RARS2: variants seen among roughly 807,000 people sequenced by gnomAD.
RARS2 encodes the protein arginyl-tRNA synthetase 2, mitochondrial, also known as probable arginine--tRNA ligase, mitochondrial.
In RARS2, 67 loss-of-function variants were observed where a neutral mutation model predicts 88.5. That is an observed-to-expected ratio of 0.76 (90% CI 0.62 to 0.93). The LOEUF (loss-of-function observed/expected upper bound fraction) is 0.93, where lower values mean the gene tolerates loss of function less well. Among genes scored for constraint, RARS2 ranks in the 40% least tolerant of loss-of-function variants. The pLI is 0.00. For synonymous variants in RARS2, 239 were observed against 230.3 expected (o/e 1.04, Z -0.34); for missense variants, 664 against 684.2 (o/e 0.97, Z 0.33).
intron 1 of RARS2, among the ~76,000 whole-genome samples, chr6:87,573,115 G>T (rs1305009965): frequency 6.6e-6 from 1 of 152,164 alleles, no homozygotes; most frequent in Non-Finnish European, 1.5e-5. Context: ...TAATTCATGA[G>T]GAAAAGAAGT....
At chr6:87,579,086 T>C (rs1439392731) in intron 1 of RARS2, among the ~76,000 whole-genome samples, 2 of 151,374 alleles carry the variant, frequency 1.3e-5, no homozygotes, top group Non-Finnish European at 2.9e-5. Flanking sequence ...ATCTATACGG[T>C]AGCTAAATAA....
At chr6:87,545,528 G>C (rs1782356850) in intron 7 of RARS2, 88 bp downstream of exon 7, 1 of 1,553,310 alleles carries the variant, frequency 6.4e-7, no homozygotes, top group Non-Finnish European at 8.8e-7. Context: ...TTCATCCAAT[G>C]GGATTCTGCC....
At chr6:87,575,982 CAG>C (rs1771367353) in intron 1 of RARS2, among the ~76,000 whole-genome samples, 1 of 151,592 alleles carries the variant, frequency 6.6e-6, no homozygotes, top group African/African-American at 2.4e-5. Context: ...GTATTTTTAG[CAG>C]AGACAGGGTT....
chr6:87,570,144 A>G (rs1769202622), intron 1 of RARS2, among the ~76,000 whole-genome samples: 1 of 152,160 alleles, frequency 6.6e-6, no homozygotes, highest in Non-Finnish European at 1.5e-5. Context: ...AGGCTTAATC[A>G]TTAGAATAGC....
chr6:87,528,780 G>A (rs1227735495), intron 10 of RARS2, among the ~76,000 whole-genome samples: 3 of 152,200 alleles, frequency 2.0e-5, no homozygotes, highest in Non-Finnish European at 2.9e-5. Context: ...TAAACAGGAG[G>A]AGTAAGTTCT....
At chr6:87,576,189 A>C (rs1360068744) in intron 1 of RARS2, among the ~76,000 whole-genome samples, 2 of 121,460 alleles carry the variant, frequency 1.6e-5, no homozygotes, top group African/African-American at 6.1e-5. Flanking sequence ...ATTTATATAA[A>C]ATTTAATAAC....
At chr6:87,550,798 C>A (rs1371169694) in intron 5 of RARS2, among the ~76,000 whole-genome samples, 8 of 128,442 alleles carry the variant, frequency 6.2e-5, no homozygotes, top group African/African-American at 1.5e-4. Context: ...ACATAAAATA[C>A]ATTATTTAAG....
chr6:87,542,354 G>A (rs1373265837), intron 7 of RARS2, among the ~76,000 whole-genome samples: 1 of 152,150 alleles, frequency 6.6e-6, no homozygotes, highest in East Asian at 1.9e-4. Context: ...CTCTGTTGAA[G>A]TGACATCATG....
At chr6:87,578,116 C>CG (rs201804423) in intron 1 of RARS2, among the ~76,000 whole-genome samples, 5,784 of 149,748 alleles carry the variant, frequency 0.039, 176 homozygotes, top group East Asian at 0.1. Context: ...GACCCCCCCC[C>CG]CCGCCATCTC....
In RARS2 at chr6:87,531,095, T is replaced by C. The variant is rs111431997; in HGVS notation, c.613-153A>G. Among the ~76,000 whole-genome samples, 11 of 152,310 alleles carry C rather than the reference T, an allele frequency of 7.2e-5. 1 individual carries two copies. Among genetic ancestry groups the C allele is most frequent in the African/African-American group, 2.6e-4 (11 of 41,566 alleles). ...GAGTGTAACTTTTTCTTTTTTGCCA[T>C]GGGCCCCTGGTGAAGCATATAGACC... On this transcript the variant is annotated intron_variant, in intron 8 of 19. Coordinates refer to ENST00000369536, the MANE Select transcript of RARS2 (RefSeq NM_020320.5).
At chr6:87,547,229 C>T (rs982581084) in intron 6 of RARS2, among the ~76,000 whole-genome samples, 1 of 152,204 alleles carries the variant, frequency 6.6e-6, no homozygotes, top group Non-Finnish European at 1.5e-5. Context: ...TTTACTCACT[C>T]CTATACTTTT....
intron 5 of RARS2, among the ~76,000 whole-genome samples, chr6:87,550,181 C>T (rs867277149): frequency 4.6e-5 from 7 of 152,160 alleles, no homozygotes; most frequent in African/African-American, 1.7e-4. Flanking sequence ...AAAAAACCTT[C>T]CATTTCCAGC....
chr6:87,565,448 G>C (rs1162585898), intron 2 of RARS2, among the ~76,000 whole-genome samples: 1 of 152,150 alleles, frequency 6.6e-6, no homozygotes, highest in African/African-American at 2.4e-5. Context: ...TAAATCATTT[G>C]CATCATGAGA....
At chr6:87,558,877 C>T (rs971178622) in intron 4 of RARS2, among the ~76,000 whole-genome samples, 4 of 152,204 alleles carry the variant, frequency 2.6e-5, no homozygotes, top group Non-Finnish European at 5.9e-5. Flanking sequence ...AAAAGTGCCT[C>T]AGGCAGGTCC....
chr6:87,552,847 C>T (rs35289945), intron 5 of RARS2, among the ~76,000 whole-genome samples: 9,678 of 152,028 alleles, frequency 0.064, 387 homozygotes, highest in African/African-American at 0.12. Context: ...GATGAATGTA[C>T]GGTAACAGGT....
At chr6:87,575,262 CA>C (rs1771084153) in intron 1 of RARS2, among the ~76,000 whole-genome samples, 1 of 148,656 alleles carries the variant, frequency 6.7e-6, no homozygotes, top group Non-Finnish European at 1.5e-5. Flanking sequence ...CACACACACA[CA>C]CACACACACA....
At chr6:87,574,746 A>G (rs1250650101) in intron 1 of RARS2, among the ~76,000 whole-genome samples, 1 of 152,260 alleles carries the variant, frequency 6.6e-6, no homozygotes, top group Non-Finnish European at 1.5e-5. Flanking sequence ...TGAATAAAAT[A>G]AACAAGAACT....
intron 11 of RARS2, 114 bp downstream of exon 11, chr6:87,524,443 T>C (rs1353040794): frequency 8.0e-6 from 7 of 873,704 alleles, no homozygotes; most frequent in Non-Finnish European, 1.3e-5. Context: ...TTACAGTTTA[T>C]AGAATAATGT....
intron 11 of RARS2, among the ~76,000 whole-genome samples, chr6:87,521,929 T>C (rs1039334725): frequency 3.3e-5 from 5 of 152,312 alleles, no homozygotes; most frequent in Non-Finnish European, 4.4e-5. Flanking sequence ...ATTTAAAATA[T>C]AGATGATGTA....
Sources: gnomAD v4.1 joint callset for allele counts (sites outside exome capture counted in the v4.1 genomes callset) on GRCh38, gnomAD v4.1.1 for gene constraint, MANE v1.5 for transcripts, NCBI Gene and HGNC (gene_info 2026-07-23, HGNC 2026-07-21) for gene names.